KHDRBS2: variants seen among roughly 807,000 people sequenced by gnomAD.
KHDRBS2 encodes the protein KH RNA binding domain containing, signal transduction associated 2, also known as KH domain-containing, RNA-binding, signal transduction-associated protein 2.
In KHDRBS2, 26 loss-of-function variants were observed where a neutral mutation model predicts 44.3. That is an observed-to-expected ratio of 0.59 (90% confidence interval 0.43 to 0.81). The LOEUF is 0.81. Among genes scored for constraint, KHDRBS2 ranks in the 40% least tolerant of loss-of-function variants. The pLI is 0.00. For synonymous variants in KHDRBS2, 194 were observed against 151.1 expected (o/e 1.28, Z -2.08); for missense variants, 476 against 433.1 (o/e 1.10, Z -0.88).
chr6:61,629,383 C>T, the KHDRBS2 span, among the ~76,000 whole-genome samples: 1 of 152,142 alleles, frequency 6.6e-6, no homozygotes, highest in Admixed American at 6.5e-5. Flanking sequence ...GGCATATATT[C>T]TTACACTACC....
intron 1 of KHDRBS2, among the ~76,000 whole-genome samples, chr6:62,205,631 T>G (rs1332391902): frequency 6.6e-6 from 1 of 151,954 alleles, no homozygotes; most frequent in Non-Finnish European, 1.5e-5. Flanking sequence ...ATCTGTGCAT[T>G]AGAGAGAAAA....
At chr6:61,824,063 A>T (rs1041090812) in intron 6 of KHDRBS2, among the ~76,000 whole-genome samples, 1 of 152,136 alleles carries the variant, frequency 6.6e-6, no homozygotes, top group Non-Finnish European at 1.5e-5. Context: ...GATATGCATG[A>T]CTTTAAAAGT....
intron 1 of KHDRBS2, among the ~76,000 whole-genome samples, chr6:62,188,771 A>C (rs1823975774): frequency 6.6e-6 from 1 of 152,168 alleles, no homozygotes; most frequent in Admixed American, 6.6e-5. Context: ...ACTTCTGAAA[A>C]TAGGTCATTA....
intron 4 of KHDRBS2, among the ~76,000 whole-genome samples, chr6:61,901,951 ATTATTTAT>A (rs902604984): frequency 6.6e-6 from 1 of 152,028 alleles, no homozygotes; most frequent in African/African-American, 2.4e-5. Flanking sequence ...ATTTATTTTC[ATTATTTAT>A]TTATTTATTT....
chr6:61,740,018 A>G (rs1049618917), intron 6 of KHDRBS2, among the ~76,000 whole-genome samples: 8 of 151,922 alleles, frequency 5.3e-5, no homozygotes, highest in Non-Finnish European at 1.2e-4. Flanking sequence ...AGCCAGTATG[A>G]GTCACCTCTG....
intron 2 of KHDRBS2, among the ~76,000 whole-genome samples, chr6:62,159,928 A>G (rs1410103896): frequency 2.0e-5 from 3 of 152,122 alleles, no homozygotes; most frequent in African/African-American, 7.2e-5. Context: ...TTGCAGTCTT[A>G]GGGGTGGCAG....
At chr6:61,743,845 G>A (rs969316734) in intron 6 of KHDRBS2, among the ~76,000 whole-genome samples, 23 of 133,044 alleles carry the variant, frequency 1.7e-4, no homozygotes, top group African/African-American at 6.7e-4. Context: ...TGTTCTCATT[G>A]TTCAATTCCC....
chr6:61,714,864 G>GT (rs2127552407), intron 7 of KHDRBS2, among the ~76,000 whole-genome samples: 1 of 151,940 alleles, frequency 6.6e-6, no homozygotes, highest in African/African-American at 2.4e-5. Context: ...TGGATGTAGA[G>GT]TGTGGAATGG....
chr6:61,771,158 G>C (rs191639769), intron 6 of KHDRBS2, among the ~76,000 whole-genome samples: 6 of 152,248 alleles, frequency 3.9e-5, no homozygotes, highest in African/African-American at 1.4e-4. Flanking sequence ...TCACCACCAG[G>C]CCTGCCCTAA....
At chr6:61,897,441 G>T (rs1183606474) in intron 5 of KHDRBS2, among the ~76,000 whole-genome samples, 1 of 152,088 alleles carries the variant, frequency 6.6e-6, no homozygotes, top group African/African-American at 2.4e-5. Context: ...TTATTTACAA[G>T]AATAATTATA....
chr6:61,610,466 G>T, the KHDRBS2 span, among the ~76,000 whole-genome samples: 23 of 152,062 alleles, frequency 1.5e-4, no homozygotes, highest in Non-Finnish European at 2.9e-5. Context: ...GGGTGTTTGT[G>T]GGTCAGAATC....
At chr6:61,946,631 G>A (rs1200582427) in intron 4 of KHDRBS2, among the ~76,000 whole-genome samples, 2 of 152,116 alleles carry the variant, frequency 1.3e-5, no homozygotes. Context: ...GGCTAGAGAG[G>A]ATAAGCCATC....
rs147445718 is a variant in KHDRBS2 at position 61,859,795 on chromosome 6, TGAGAA to T, written c.810+34835_810+34839del. Among the ~76,000 whole-genome samples, 27 of 151,932 alleles carry T rather than the reference TGAGAA, an allele frequency of 1.8e-4. No homozygotes were observed. In the East Asian group the frequency reaches 4.6e-3, roughly 26 times the overall value. On this transcript the variant is annotated intron_variant, in intron 6 of 8. Coordinates refer to ENST00000281156, the MANE Select transcript of KHDRBS2 (RefSeq NM_152688.4). Reference sequence around the variant, plus strand: ...ATGTATATAAATAGAAAAAGGCAATTGAGAAGAGAAAACATGAGGCAATAAAATTT... The same window carrying T: ...ATGTATATAAATAGAAAAAGGCAATTGAGAAAACATGAGGCAATAAAATTT...
chr6:62,072,881 T>C (rs561934451), intron 2 of KHDRBS2, among the ~76,000 whole-genome samples: 7 of 152,250 alleles, frequency 4.6e-5, no homozygotes, highest in African/African-American at 1.7e-4. Flanking sequence ...CGATTCCCTC[T>C]TTTTTTATTG....
intron 1 of KHDRBS2, among the ~76,000 whole-genome samples, chr6:62,228,105 C>G (rs1832235154): frequency 6.6e-6 from 1 of 152,140 alleles, no homozygotes; most frequent in South Asian, 2.1e-4. Context: ...ATGGTACCAG[C>G]TCCTCTTTGT....
intron 1 of KHDRBS2, among the ~76,000 whole-genome samples, chr6:62,206,590 T>A (rs1390692992): frequency 6.6e-6 from 1 of 152,084 alleles, no homozygotes; most frequent in Non-Finnish European, 1.5e-5. Flanking sequence ...GGATATTCCT[T>A]ATAAATATAG....
intron 1 of KHDRBS2, among the ~76,000 whole-genome samples, chr6:62,239,390 T>G (rs753203736): frequency 3.3e-5 from 5 of 152,008 alleles, no homozygotes; most frequent in African/African-American, 1.2e-4. Flanking sequence ...CTTGCCAACA[T>G]GGTGAAACCC....
At chr6:61,938,559 C>T (rs1172183211) in intron 4 of KHDRBS2, among the ~76,000 whole-genome samples, 1 of 152,016 alleles carries the variant, frequency 6.6e-6, no homozygotes, top group Non-Finnish European at 1.5e-5. Flanking sequence ...AATAATTGCT[C>T]TGAGAAGGTT....
chr6:62,210,838 C>G (rs1828921577), intron 1 of KHDRBS2, among the ~76,000 whole-genome samples: 1 of 151,514 alleles, frequency 6.6e-6, no homozygotes, highest in Admixed American at 6.6e-5. Flanking sequence ...AGAGAGTTAC[C>G]CTCTAAAATA....
Sources: gnomAD v4.1 joint callset for allele counts (sites outside exome capture counted in the v4.1 genomes callset) on GRCh38, gnomAD v4.1.1 for gene constraint, MANE v1.5 for transcripts, NCBI Gene and HGNC (gene_info 2026-07-23, HGNC 2026-07-21) for gene names.